The following NUP214 variants were observed in gnomAD, a reference collection of about 807,000 sequenced individuals.
NUP214 encodes the protein nucleoporin 214.
NUP214 carries 79 observed loss-of-function variants against 196.2 expected under a neutral mutation model. That is an observed-to-expected ratio of 0.40 (90% CI 0.34 to 0.49). The LOEUF is 0.49. NUP214 is among the 20% of genes least tolerant of loss of function. The pLI is 0.58. For missense variants in NUP214, 2,468 were observed against 2,539.0 expected (o/e 0.97, Z 0.60); for synonymous variants, 1,020 against 990.5 (o/e 1.03, Z -0.56).
At chr9:131,224,941 T>TCTCA (rs1834682242) in intron 32 of NUP214, among the ~76,000 whole-genome samples, 1 of 152,250 alleles carries the variant, frequency 6.6e-6, no homozygotes, top group Admixed American at 6.5e-5. Context: ...TTCCTATATA[T>TCTCA]GGTTCTTTAT....
chr9:131,159,806 G>T (rs1194272692), intron 18 of NUP214, among the ~76,000 whole-genome samples: 1 of 151,638 alleles, frequency 6.6e-6, no homozygotes, highest in Non-Finnish European at 1.5e-5. Flanking sequence ...GCAGTGAGCT[G>T]AGATCGTGCC....
rs768422066 is a variant in NUP214, at chr9:131,199,028, G to T, written c.5521+13G>T. 6 of 1,567,644 alleles carry T rather than the reference G, an allele frequency of 3.8e-6. No individual in the cohort carries two copies. Among genetic ancestry groups the T allele is most frequent in the Non-Finnish European group, 5.2e-6 (6 of 1,157,264 alleles). ...TGCCAAGCTTCAGGTAAGAATTTGT[G>T]GAAGCTTTTTACTTGTTTCCCTCTC... is the stretch of plus-strand genomic sequence containing the variant. On this transcript the variant is annotated intron_variant, in intron 29 of 35. Transcript: ENST00000359428.
At chr9:131,177,754 G>A (rs890304734) in intron 23 of NUP214, among the ~76,000 whole-genome samples, 1 of 152,138 alleles carries the variant, frequency 6.6e-6, no homozygotes, top group African/African-American at 2.4e-5. Context: ...GGAGGTGTCA[G>A]ATATATGCCT....
intron 8 of NUP214, 49 bp from the exon 9 acceptor site, chr9:131,135,891 G>C: frequency 6.6e-7 from 1 of 1,503,918 alleles, no homozygotes; most frequent in East Asian, 2.3e-5. Flanking sequence ...GGTTAGCTTA[G>C]AACTATTGCT....
In NUP214 at chr9:131,197,752, G is replaced by C. The variant is rs753078879; in HGVS notation, c.4258G>C (p.Gly1420Arg). 3.1e-6 allele frequency: 5 copies of C among 1,614,196 alleles called. No homozygotes were observed. The highest frequency in any genetic ancestry group is 1.7e-5 in the Admixed American group (1 of 60,020). ...TGGCAGTCTGCCAGTCACCAGTGCA[G>C]GATCCTCTGGGGTCATCAGTTTTGG... is the stretch of plus-strand genomic sequence containing the variant. ...VFGSLPVTSA[G>R]SSGVISFGGT... The change falls in exon 29 of 36, where the codon GGA (glycine) becomes CGA (arginine). Residue 1420 changes from glycine to arginine, a missense_variant. Gly to Arg is a moderately radical substitution (Grantham distance 125). Around this residue, in one of 5 missense-constraint regions of NUP214, gnomAD observed 1,801 missense variants for 1,779.4 expected, o/e 1.01. Coordinates refer to ENST00000359428, the MANE Select transcript of NUP214 (RefSeq NM_005085.4).
At chr9:131,192,392 AC>A in intron 27 of NUP214, 100 bp downstream of exon 27, 1 of 694,474 alleles carries the variant, frequency 1.4e-6, no homozygotes, top group Non-Finnish European at 2.4e-6. Context: ...ATGTGTATGA[AC>A]CCAGAGTTCT....
intron 32 of NUP214, among the ~76,000 whole-genome samples, chr9:131,224,490 C>T (rs1422806276): frequency 6.6e-6 from 1 of 152,152 alleles, no homozygotes; most frequent in Non-Finnish European, 1.5e-5. Context: ...CCCTCGTATG[C>T]AGGGGATGCT....
chr9:131,182,553 G>C (rs1265746843), intron 24 of NUP214, among the ~76,000 whole-genome samples: 1 of 152,204 alleles, frequency 6.6e-6, no homozygotes, highest in Non-Finnish European at 1.5e-5. Flanking sequence ...CCCCTCCGCT[G>C]TCCGTCTGTG....
chr9:131,145,408 C>G (rs1186272617), intron 12 of NUP214, among the ~76,000 whole-genome samples: 2 of 152,068 alleles, frequency 1.3e-5, no homozygotes, highest in Non-Finnish European at 2.9e-5. Flanking sequence ...CATGAGTTCC[C>G]AAGATAACCA....
At chr9:131,166,217 C>G (rs925660554) in intron 21 of NUP214, among the ~76,000 whole-genome samples, 2 of 152,118 alleles carry the variant, frequency 1.3e-5, no homozygotes, top group Non-Finnish European at 2.9e-5. Context: ...GAACACATGC[C>G]TTATAAAGAC....
chr9:131,139,167 C>A, intron 9 of NUP214, 114 bp from the exon 10 acceptor site: 4 of 1,187,596 alleles, frequency 3.4e-6, no homozygotes, highest in Non-Finnish European at 4.4e-6. Flanking sequence ...CCAAGTGAGT[C>A]ATCTCTGTTC....
In NUP214 at chr9:131,139,055, G is replaced by A. The variant is rs569607086; in HGVS notation, c.1006-226G>A. 2.0e-5 allele frequency among the ~76,000 whole-genome samples: 3 copies of A among 152,246 alleles called. No homozygotes were observed. The East Asian group carries it at 5.8e-4, about 29-fold the overall frequency. On this transcript the variant is annotated intron_variant, in intron 9 of 35. Transcript: ENST00000359428. ...TGATACACCAGGAACAGATAGAGAG[G>A]GGGTTGATTTGGAAAATTAACTTCC...
rs1462736793 is a variant in NUP214 at position 131,150,832 on chromosome 9, A to G, written c.2277+67A>G. 12 of 1,453,758 alleles carry G rather than the reference A, an allele frequency of 8.3e-6. No homozygotes were observed. The Admixed American group carries it at 1.2e-4, about 15-fold the overall frequency. The allele number at this position is 1,453,758 out of a possible 1,614,324, so 90.1% of individuals were successfully genotyped here. A position where few individuals can be genotyped will look rare whatever the true frequency, so the allele number is the denominator to read the frequency against. On this transcript the variant is annotated intron_variant, in intron 16 of 35. Transcript: ENST00000359428. ...AACAATTTTTTTCTCCTAGTACTCCATGGGGTTATGTACTTTATTTCTTCA... is the reference window on the plus strand; with the variant it reads ...AACAATTTTTTTCTCCTAGTACTCCGTGGGGTTATGTACTTTATTTCTTCA...
intron 24 of NUP214, chr9:131,186,990 G>T: frequency 3.3e-6 from 1 of 301,210 alleles, no homozygotes. Context: ...GGAGGAGGAG[G>T]GCTTATACTC....
intron 7 of NUP214, 69 bp downstream of exon 7, chr9:131,133,278 A>AT: frequency 1.3e-6 from 1 of 748,410 alleles, no homozygotes; most frequent in East Asian, 3.3e-5. Flanking sequence ...GGAGGCTTTG[A>AT]TTTCAAGGGG....
intron 22 of NUP214, among the ~76,000 whole-genome samples, chr9:131,174,536 C>T (rs1293178645): frequency 1.4e-5 from 2 of 146,662 alleles, no homozygotes; most frequent in African/African-American, 2.5e-5. Flanking sequence ...GCAACATCCA[C>T]CTCCTGGGTT....
Position 131,127,517 on chromosome 9 carries a change from A to G in NUP214, c.46-7A>G. On this transcript the variant is annotated splice_polypyrimidine_tract_variant and splice_region_variant and intron_variant, in intron 1 of 35. Transcript: ENST00000359428. ...TGAATTGATCTCGTTTTGATTCTTC[A>G]CAACAGGATTTTCAGTTTAGAGCGC... 1 of 1,595,332 alleles carries G rather than the reference A, an allele frequency of 6.3e-7. No individual in the cohort carries two copies. Among genetic ancestry groups the G allele is most frequent in the Non-Finnish European group, 8.5e-7 (1 of 1,170,918 alleles).
chr9:131,213,529 T>C (rs575135713), intron 30 of NUP214, among the ~76,000 whole-genome samples: 2 of 152,334 alleles, frequency 1.3e-5, no homozygotes, highest in East Asian at 3.9e-4. Flanking sequence ...CTGAGCTTTT[T>C]CAGGCAAAAT....
Position 131,198,166 on chromosome 9 carries a change from A to G in NUP214, c.4672A>G (p.Thr1558Ala). Residue 1558 changes from threonine (T) to alanine (A), a missense_variant, in exon 29 of 36, where the codon ACT (threonine) becomes GCT (alanine). Coordinates refer to ENST00000359428, the MANE Select transcript of NUP214 (RefSeq NM_005085.4). ...VSNSGTAASS[T>A]SLVALSAEAT... ...CAACTCTGGCACTGCAGCATCTAGT[A>G]CTAGTCTTGTAGCACTTTCTGCAGA... 1.2e-6 allele frequency: 2 copies of G among 1,614,174 alleles called. No individual in the cohort carries two copies. The highest frequency in any genetic ancestry group is 1.7e-6 in the Non-Finnish European group (2 of 1,180,032).
Sources: allele counts gnomAD v4.1 joint callset (sites outside exome capture counted in the v4.1 genomes callset), GRCh38; gene constraint gnomAD v4.1.1; regional missense constraint gnomAD v4.1.1; transcripts MANE v1.5; gene names NCBI Gene and HGNC (gene_info 2026-07-23, HGNC 2026-07-21).